The following DOCK9 variants were observed in gnomAD, a reference collection of about 807,000 sequenced individuals.
The protein encoded by DOCK9 is dedicator of cytokinesis protein 9.
Under a neutral mutation model 263.3 loss-of-function variants are expected in DOCK9, and 89 were observed. That is an observed-to-expected ratio of 0.34 (90% CI 0.28 to 0.40). The LOEUF (loss-of-function observed/expected upper bound fraction) is 0.40. Ranked by LOEUF, DOCK9 falls within the 10% of genes least tolerant of loss-of-function variation. The pLI, the probability that DOCK9 is intolerant of heterozygous loss-of-function variation, is 1.00. For synonymous variants in DOCK9, 976 were observed against 973.1 expected (o/e 1.00, Z -0.06); for missense variants, 2,140 against 2,603.4 (o/e 0.82, Z 3.87).
chr13:98,848,700 A>T (rs1282578675), intron 36 of DOCK9, 61 bp from the exon 37 acceptor site: 1 of 1,484,768 alleles, frequency 6.7e-7, no homozygotes, highest in Non-Finnish European at 9.2e-7. Flanking sequence ...TCGGGACGTT[A>T]TTTATCTGTT....
chr13:98,883,160 G>A (rs1294125058), intron 22 of DOCK9, 29 bp from the exon 23 acceptor site: 2 of 1,567,570 alleles, frequency 1.3e-6, no homozygotes, highest in Admixed American at 1.7e-5. Context: ...AAAAGAAGAA[G>A]AAAGTCTATT....
intron 3 of DOCK9, among the ~76,000 whole-genome samples, chr13:98,927,624 TA>T (rs1381801124): frequency 9.2e-5 from 5 of 54,438 alleles, no homozygotes; most frequent in Admixed American, 1.8e-4. Flanking sequence ...TTTATTTATT[TA>T]TTTATTTTTT....
intron 1 of DOCK9, among the ~76,000 whole-genome samples, chr13:99,002,290 A>AC (rs1031356400): frequency 2.0e-5 from 3 of 151,782 alleles, no homozygotes; most frequent in African/African-American, 7.3e-5. Flanking sequence ...ATCTAATATC[A>AC]CCCCTCAGGG....
chr13:98,996,647 A>T (rs887005185), intron 1 of DOCK9, among the ~76,000 whole-genome samples: 19 of 152,210 alleles, frequency 1.2e-4, no homozygotes, highest in Admixed American at 6.5e-4. Context: ...ACAAATTCGT[A>T]AACTTTCACT....
intron 1 of DOCK9, among the ~76,000 whole-genome samples, chr13:98,984,025 T>C (rs766639179): frequency 2.0e-5 from 3 of 152,218 alleles, no homozygotes; most frequent in Non-Finnish European, 2.9e-5. Context: ...GGCTGAATGT[T>C]AGGGAAGGTG....
chr13:98,797,379 T>C lies in DOCK9; in HGVS notation c.6017+10A>G. On this transcript the variant is annotated intron_variant, in intron 51 of 52. Transcript: ENST00000682017. ...CTCGAAGAGAAAAAGATGCTTTCAG[T>C]GTGCTTTACCTGAAAACTTCCTTAA... 1 of 1,611,936 alleles carries C rather than the reference T, an allele frequency of 6.2e-7. No individual in the cohort carries two copies. The highest frequency in any genetic ancestry group is 2.2e-5 in the East Asian group (1 of 44,874).
chr13:98,891,303 T>G (rs950305245), intron 15 of DOCK9, among the ~76,000 whole-genome samples: 43 of 152,298 alleles, frequency 2.8e-4, no homozygotes, highest in African/African-American at 1.0e-3. Context: ...TACGGTGCCT[T>G]GCTCACCTCT....
chr13:99,036,061 A>G (rs1173861830), intron 1 of DOCK9, among the ~76,000 whole-genome samples: 1 of 152,158 alleles, frequency 6.6e-6, no homozygotes, highest in Admixed American at 6.5e-5. Context: ...TAGCCTCGCA[A>G]TTTTGGACTT....
intron 1 of DOCK9, among the ~76,000 whole-genome samples, chr13:99,008,377 G>GCA (rs1364043529): frequency 1.3e-5 from 2 of 151,766 alleles, no homozygotes; most frequent in African/African-American, 4.8e-5. Flanking sequence ...GGGATTATAG[G>GCA]TGCCTGCCAC....
chr13:98,946,039 G>C lies in DOCK9; in HGVS notation c.243+9396C>G, dbSNP rs114531437. Among the ~76,000 whole-genome samples, 568 of 111,868 alleles carry C rather than the reference G, an allele frequency of 5.1e-3. 4 individuals are homozygous for C. The highest frequency in any genetic ancestry group is 0.019 in the African/African-American group (543 of 29,350). 73.4% of individuals were successfully genotyped at this position (111,868 alleles called of 152,430 possible). On this transcript the variant is annotated intron_variant, in intron 2 of 52. Transcript: ENST00000682017. The stretch of plus-strand genomic sequence containing the variant: ...ACAGGATAGGTCCCAAGCCTCGCGG[G>C]GGAGACAGGAGCCCAAAGAGGCCAG...
At chr13:98,860,567 G>A in intron 32 of DOCK9, 45 bp from the exon 33 acceptor site, 1 of 1,511,014 alleles carries the variant, frequency 6.6e-7, no homozygotes, top group Non-Finnish European at 8.9e-7. Flanking sequence ...TGACTGGAAA[G>A]GATTCCTCCC....
chr13:98,931,240 A>C (rs1341529563), intron 2 of DOCK9, among the ~76,000 whole-genome samples: 2 of 151,954 alleles, frequency 1.3e-5, no homozygotes, highest in Admixed American at 1.3e-4. Flanking sequence ...CATCCTGTCT[A>C]CCTCAATAAC....
chr13:99,086,490 G>T, exon 1 of DOCK9: 2 of 471,622 alleles, frequency 4.2e-6, no homozygotes, highest in Non-Finnish European at 5.5e-6. Flanking sequence ...CCCGCTGCTC[G>T]CCGCGAGTCC....
At chr13:98,907,831 TG>T (rs1377214170) in intron 9 of DOCK9, among the ~76,000 whole-genome samples, 1 of 152,178 alleles carries the variant, frequency 6.6e-6, no homozygotes, top group East Asian at 1.9e-4. Flanking sequence ...AGCAGGACTT[TG>T]CCCCAGAGTC....
chr13:98,890,255 C>T (rs1369429670), intron 15 of DOCK9, among the ~76,000 whole-genome samples: 2 of 152,184 alleles, frequency 1.3e-5, no homozygotes, highest in African/African-American at 4.8e-5. Flanking sequence ...AGAACAGGCT[C>T]CTTCCCAAGT....
At chr13:99,079,500 T>C (rs764451178) in intron 1 of DOCK9, among the ~76,000 whole-genome samples, 1 of 152,236 alleles carries the variant, frequency 6.6e-6, no homozygotes, top group Non-Finnish European at 1.5e-5. Context: ...TCTCCTTTAG[T>C]AACATAATAA....
intron 1 of DOCK9, among the ~76,000 whole-genome samples, chr13:98,997,882 T>C (rs1345080828): frequency 6.6e-6 from 1 of 152,218 alleles, no homozygotes; most frequent in African/African-American, 2.4e-5. Flanking sequence ...TCTGCCAAAG[T>C]GTGGCACTGG....
At chr13:98,812,981 G>C (rs1231013827) in intron 45 of DOCK9, among the ~76,000 whole-genome samples, 1 of 152,154 alleles carries the variant, frequency 6.6e-6, no homozygotes, top group Non-Finnish European at 1.5e-5. Context: ...TGCTTTGTTT[G>C]AATAAGATTA....
chr13:99,014,932 T>A (rs982143054), intron 1 of DOCK9, among the ~76,000 whole-genome samples: 2 of 152,194 alleles, frequency 1.3e-5, no homozygotes, highest in African/African-American at 2.4e-5. Flanking sequence ...AGCTGGATTT[T>A]TTAAAAAAAT....
Sources: allele counts gnomAD v4.1 joint callset (sites outside exome capture counted in the v4.1 genomes callset), GRCh38; gene constraint gnomAD v4.1.1; transcripts MANE v1.5; gene names NCBI Gene and HGNC (gene_info 2026-07-23, HGNC 2026-07-21).